Variants in FIRRM observed in about 807,000 individuals in gnomAD.
The protein encoded by FIRRM is FIGNL1 interacting regulator of recombination and mitosis.
At chr1:169,833,757 A>C in the FIRRM span, among the ~76,000 whole-genome samples, 1 of 152,062 alleles carries the variant, frequency 6.6e-6, no homozygotes, top group Admixed American at 6.6e-5. Flanking sequence ...GCTTGCTTAC[A>C]AAAGAATTTT....
At chr1:169,852,002 C>G in the FIRRM span, 1 of 1,606,510 alleles carries the variant, frequency 6.2e-7, no homozygotes, top group South Asian at 1.1e-5. Context: ...TACTTACTGA[C>G]GAAACAAACC....
the FIRRM span, among the ~76,000 whole-genome samples, chr1:169,826,775 G>A: frequency 2.0e-5 from 3 of 152,230 alleles, no homozygotes; most frequent in South Asian, 6.2e-4. Flanking sequence ...TAAGGATATT[G>A]TGAAAATGAT....
the FIRRM span, chr1:169,853,132 G>T: frequency 2.5e-6 from 2 of 786,056 alleles, no homozygotes; most frequent in Non-Finnish European, 4.1e-6. Context: ...GAACAGGATT[G>T]TGGGGAATAT....
chr1:169,807,991 T>A, the FIRRM span: 3 of 1,491,844 alleles, frequency 2.0e-6, no homozygotes, highest in Non-Finnish European at 2.7e-6. Context: ...AGTTAGTAAA[T>A]CTCATTTGAA....
the FIRRM span, chr1:169,847,831 T>C: frequency 6.9e-7 from 1 of 1,443,398 alleles, no homozygotes; most frequent in Non-Finnish European, 9.7e-7. Flanking sequence ...TGTTCTTGTA[T>C]TATTAAAACA....
At chr1:169,843,826 A>G in the FIRRM span, 5 of 1,009,290 alleles carry the variant, frequency 5.0e-6, no homozygotes, top group African/African-American at 3.2e-5. Context: ...TAAAACTGCT[A>G]TCATGTAAAA....
chr1:169,832,362 A>C, the FIRRM span: 16 of 1,261,372 alleles, frequency 1.3e-5, no homozygotes, highest in Admixed American at 6.9e-5. Context: ...CTTCTTGTAA[A>C]AATTCTGATT....
chr1:169,827,231 A>G, the FIRRM span: 82 of 1,582,892 alleles, frequency 5.2e-5, no homozygotes, highest in Non-Finnish European at 6.9e-5. Context: ...ATGATAAATC[A>G]TCTATTATGA....
chr1:169,823,383 A>T, the FIRRM span: 6 of 1,495,986 alleles, frequency 4.0e-6, no homozygotes, highest in Admixed American at 1.8e-5. Context: ...TTATGCAAAG[A>T]ATGAATAGAG....
the FIRRM span, among the ~76,000 whole-genome samples, chr1:169,841,105 T>C: frequency 7.9e-5 from 12 of 152,222 alleles, no homozygotes; most frequent in African/African-American, 2.7e-4. Context: ...ATGGCTCTTA[T>C]TATTTCGATG....
At chr1:169,793,416 G>C in the FIRRM span, 1 of 1,614,150 alleles carries the variant, frequency 6.2e-7, no homozygotes, top group Admixed American at 1.7e-5. Context: ...AAGGAGGGCT[G>C]TTTTCCATGT....
the FIRRM span, chr1:169,793,033 C>T: frequency 6.2e-7 from 1 of 1,614,130 alleles, no homozygotes; most frequent in Non-Finnish European, 8.5e-7. Flanking sequence ...CATCAATCAC[C>T]ATACTGTTAT....
At chr1:169,829,173 A>C in the FIRRM span, 38 of 1,194,506 alleles carry the variant, frequency 3.2e-5, no homozygotes, top group African/African-American at 5.9e-4. Flanking sequence ...TTTTCTGCTT[A>C]AACAACCTTC....
chr1:169,815,006 A>G, the FIRRM span, among the ~76,000 whole-genome samples: 1 of 152,026 alleles, frequency 6.6e-6, no homozygotes, highest in East Asian at 1.9e-4. Context: ...TTAAGAAAGT[A>G]AAGGAATAAG....
the FIRRM span, among the ~76,000 whole-genome samples, chr1:169,814,375 C>T: frequency 6.6e-6 from 1 of 152,078 alleles, no homozygotes; most frequent in African/African-American, 2.4e-5. Flanking sequence ...TAGGTTGTGC[C>T]AAAGTAATTG....
chr1:169,805,985 C>G, the FIRRM span: 1 of 1,506,204 alleles, frequency 6.6e-7, no homozygotes, highest in Admixed American at 1.7e-5. Flanking sequence ...CTTAAAAGTT[C>G]TGTTATCTTT....
At chr1:169,818,449 G>A in the FIRRM span, among the ~76,000 whole-genome samples, 627 of 152,196 alleles carry the variant, frequency 4.1e-3, 5 homozygotes, top group African/African-American at 0.013. Flanking sequence ...TTTAAACCAC[G>A]TCTTTATTTT....
At chr1:169,847,311 T>A in the FIRRM span, among the ~76,000 whole-genome samples, 1 of 77,038 alleles carries the variant, frequency 1.3e-5, no homozygotes, top group Non-Finnish European at 2.3e-5. Flanking sequence ...ACCTTATATT[T>A]CTAAAAAAAA....
At chr1:169,821,090 TG>T in the FIRRM span, among the ~76,000 whole-genome samples, 3 of 152,192 alleles carry the variant, frequency 2.0e-5, no homozygotes, top group African/African-American at 7.2e-5. Flanking sequence ...CTCCCACCAA[TG>T]GTAAAAGAAA....
Sources: allele counts gnomAD v4.1 joint callset (sites outside exome capture counted in the v4.1 genomes callset), GRCh38; gene constraint gnomAD v4.1.1; transcripts MANE v1.5; gene names NCBI Gene and HGNC (gene_info 2026-07-23, HGNC 2026-07-21).